Variants in C16orf87 observed in about 807,000 individuals in gnomAD.
C16orf87 encodes the protein UPF0547 protein C16orf87.
A neutral mutation model predicts 21.0 loss-of-function variants in C16orf87; 13 were observed. That is an observed-to-expected ratio of 0.62 (90% CI 0.40 to 0.98). The LOEUF (loss-of-function observed/expected upper bound fraction) is 0.98. Ranked by LOEUF, C16orf87 falls within the 50% of genes least tolerant of loss-of-function variation. The probability of loss-of-function intolerance (pLI) is 0.00; values close to 1 mark genes in which losing one functional copy is unlikely to be tolerated. For synonymous variants in C16orf87, 49 were observed against 60.2 expected (o/e 0.81, Z 0.86); for missense variants, 113 against 180.4 (o/e 0.63, Z 2.14).
chr16:46,831,067 C>G lies in C16orf87; in HGVS notation c.66+17G>C, dbSNP rs759850108. 1.9e-6 allele frequency: 3 copies of G among 1,559,466 alleles called. No homozygotes were observed. The highest frequency in any genetic ancestry group is 2.6e-6 in the Non-Finnish European group (3 of 1,150,246). On this transcript the variant is annotated intron_variant, in intron 1 of 3. Coordinates refer to ENST00000285697, the MANE Select transcript of C16orf87 (RefSeq NM_001001436.4). ...AGCCACTGCCGCCCGCCCGCGCGCC[C>G]GGCCCCCGGCACCCACCTGTTGGTC...
intron 3 of C16orf87, among the ~76,000 whole-genome samples, chr16:46,809,019 C>G (rs75987562): frequency 1.9e-5 from 1 of 51,556 alleles, no homozygotes; most frequent in Non-Finnish European, 4.0e-5. Context: ...CTTTAAAAGA[C>G]AAAAAAAAAA....
chr16:46,808,834 A>C (rs1015290879), intron 3 of C16orf87, among the ~76,000 whole-genome samples: 1 of 152,180 alleles, frequency 6.6e-6, no homozygotes, highest in Non-Finnish European at 1.5e-5. Flanking sequence ...TAAGGAGAAA[A>C]AGAAATATAC....
intron 2 of C16orf87, among the ~76,000 whole-genome samples, chr16:46,813,251 T>C (rs1409969725): frequency 6.6e-6 from 1 of 152,142 alleles, no homozygotes. Context: ...GTTCTCCCTC[T>C]CCCAAATCTG....
In C16orf87 at chr16:46,831,074, C is replaced by T. The variant is rs1213579563; in HGVS notation, c.66+10G>A. On this transcript the variant is annotated intron_variant, in intron 1 of 3. Transcript: ENST00000285697. ...GCCGCCCGCCCGCGCGCCCGGCCCC[C>T]GGCACCCACCTGTTGGTCGCACTCG... 6.4e-7 allele frequency: 1 copy of T among 1,559,280 alleles called. No individual in the cohort carries two copies. The highest frequency in any genetic ancestry group is 1.8e-5 in the Admixed American group (1 of 55,406).
In C16orf87 at chr16:46,800,214, G is replaced by T. The variant is rs1038050731; in HGVS notation, c.*2738C>A. ...TTCTTAAGTATTTCTGAAATTTAAA[G>T]AAATAAGAATAGACTGGCTAAATTT... On this transcript the variant is annotated 3_prime_UTR_variant, in exon 4 of 4. Coordinates refer to ENST00000285697, the MANE Select transcript of C16orf87 (RefSeq NM_001001436.4). 1.3e-5 allele frequency: 2 copies of T among 148,520 alleles called. No homozygotes were observed. Among genetic ancestry groups the T allele is most frequent in the Admixed American group, 6.8e-5 (1 of 14,814 alleles). The allele number at this position is 148,520 out of a possible 1,614,324, so 9.2% of individuals were successfully genotyped here. A position where few individuals can be genotyped will look rare whatever the true frequency, so the allele number is the denominator to read the frequency against.
At position 46,798,497 on chromosome 16, in the gene C16orf87, C is replaced by G. The variant is rs1359994240; in HGVS notation, c.*4455G>C. 1 of 152,314 alleles carries G rather than the reference C, an allele frequency of 6.6e-6. No individual in the cohort carries two copies. Among genetic ancestry groups the G allele is most frequent in the Non-Finnish European group, 1.5e-5 (1 of 68,126 alleles). The allele number at this position is 152,314 out of a possible 1,614,324, so 9.4% of individuals were successfully genotyped here. ...CACCACTGCCCTCCAGCCTGGGCGA[C>G]AGAGCGAGACTGTAATCCCAACACT... On this transcript the variant is annotated 3_prime_UTR_variant, in exon 4 of 4. Coordinates refer to ENST00000285697, the MANE Select transcript of C16orf87 (RefSeq NM_001001436.4).
chr16:46,818,949 C>A (rs1315276491), intron 2 of C16orf87, among the ~76,000 whole-genome samples: 4 of 152,210 alleles, frequency 2.6e-5, no homozygotes, highest in Non-Finnish European at 4.4e-5. Flanking sequence ...TAAATGACTT[C>A]GTAACTTTAC....
intron 2 of C16orf87, among the ~76,000 whole-genome samples, chr16:46,818,584 A>C (rs541230214): frequency 6.6e-6 from 1 of 152,282 alleles, no homozygotes; most frequent in African/African-American, 2.4e-5. Context: ...TTTCCTTTAC[A>C]GGAAATTCTA....
At chr16:46,817,539 T>C (rs1968285373) in intron 2 of C16orf87, among the ~76,000 whole-genome samples, 1 of 151,862 alleles carries the variant, frequency 6.6e-6, no homozygotes, top group South Asian at 2.1e-4. Flanking sequence ...AATAAAAAAA[T>C]TAGCTGGGCA....
chr16:46,823,058 T>C (rs943792036), intron 2 of C16orf87, among the ~76,000 whole-genome samples: 1 of 152,224 alleles, frequency 6.6e-6, no homozygotes, highest in African/African-American at 2.4e-5. Context: ...GCTATTTCCA[T>C]CTGTCAAGAA....
chr16:46,828,957 GACAAA>G (rs1567319197), intron 1 of C16orf87, among the ~76,000 whole-genome samples: 1 of 152,072 alleles, frequency 6.6e-6, no homozygotes, highest in East Asian at 1.9e-4. Flanking sequence ...TGGAATAAAG[GACAAA>G]ACAAACCAAC....
chr16:46,803,127 A>T, intron 3 of C16orf87, 57 bp from the exon 4 acceptor site: 2 of 773,182 alleles, frequency 2.6e-6, no homozygotes, highest in Non-Finnish European at 4.4e-6. Context: ...GTAAATTTAA[A>T]TTTTTTAAAG....
chr16:46,803,112 A>T (rs2143035767), intron 3 of C16orf87, 42 bp from the exon 4 acceptor site: 1 of 901,560 alleles, frequency 1.1e-6, no homozygotes, highest in East Asian at 2.4e-5. Flanking sequence ...AAGGCAGTAG[A>T]TGCAGTAAAT....
chr16:46,817,367 T>C (rs951758244), intron 2 of C16orf87, among the ~76,000 whole-genome samples: 17 of 151,604 alleles, frequency 1.1e-4, no homozygotes, highest in Admixed American at 1.1e-3. Context: ...AACATATGGG[T>C]AAAAAAGAAC....
intron 3 of C16orf87, among the ~76,000 whole-genome samples, chr16:46,806,512 G>C (rs1967933727): frequency 6.6e-6 from 1 of 152,058 alleles, no homozygotes; most frequent in Non-Finnish European, 1.5e-5. Flanking sequence ...ACCAGCCTCG[G>C]CCTCCCACAG....
At chr16:46,822,821 T>G (rs1173724985) in intron 2 of C16orf87, among the ~76,000 whole-genome samples, 3 of 152,100 alleles carry the variant, frequency 2.0e-5, no homozygotes, top group Non-Finnish European at 4.4e-5. Context: ...TGCCATCTTC[T>G]CCTCTCTTCA....
At chr16:46,824,575 T>TACTTGAAGGAGGAATC (rs1161512053) in intron 1 of C16orf87, 93 bp from the exon 2 acceptor site, 3 of 518,976 alleles carry the variant, frequency 5.8e-6, no homozygotes, top group Non-Finnish European at 1.0e-5. Flanking sequence ...AATGATAAAT[T>TACTTGAAGGAGGAATC]ACTTGAAGGA....
chr16:46,809,563 A>G (rs1048762350), intron 3 of C16orf87, 40 bp downstream of exon 3: 1 of 1,448,346 alleles, frequency 6.9e-7, no homozygotes. Flanking sequence ...TCCCAGATCA[A>G]TTTAATACTT....
At chr16:46,815,247 G>T (rs1968206629) in intron 2 of C16orf87, among the ~76,000 whole-genome samples, 1 of 151,716 alleles carries the variant, frequency 6.6e-6, no homozygotes, top group Admixed American at 6.6e-5. Context: ...ACTCAAAATG[G>T]ATCAAATATC....
Sources: gnomAD v4.1 joint callset for allele counts (sites outside exome capture counted in the v4.1 genomes callset) on GRCh38, gnomAD v4.1.1 for gene constraint, MANE v1.5 for transcripts, NCBI Gene and HGNC (gene_info 2026-07-23, HGNC 2026-07-21) for gene names.